RBMS3: variants seen among roughly 807,000 people sequenced by gnomAD.
RBMS3 encodes RNA binding motif single stranded interacting protein 3, also known as RNA-binding motif, single-stranded-interacting protein 3.
RBMS3 carries 27 observed loss-of-function variants against 66.8 expected under a neutral mutation model. The ratio of observed to expected loss-of-function variants is 0.40; its 90% confidence interval spans 0.30 to 0.56. RBMS3 has a LOEUF of 0.56. Ranked by LOEUF, RBMS3 falls within the 20% of genes least tolerant of loss-of-function variation. RBMS3 has a pLI of 0.40. For synonymous variants in RBMS3, 188 were observed against 183.0 expected (o/e 1.03, Z -0.22); for missense variants, 513 against 549.5 (o/e 0.93, Z 0.66).
At chr3:29,798,332 AGGGG>A in intron 6 of RBMS3, among the ~76,000 whole-genome samples, 1 of 62,066 alleles carries the variant, frequency 1.6e-5, no homozygotes, top group Non-Finnish European at 2.9e-5. Flanking sequence ...AAGGGAGGGG[AGGGG>A]AGGGGAGGGG....
At chr3:29,301,766 G>A (rs2033687596) in intron 1 of RBMS3, among the ~76,000 whole-genome samples, 1 of 151,974 alleles carries the variant, frequency 6.6e-6, no homozygotes, top group Non-Finnish European at 1.5e-5. Flanking sequence ...AGAAGCCTCT[G>A]AAAGACTTGT....
chr3:29,570,863 T>C (rs147698294), intron 3 of RBMS3, among the ~76,000 whole-genome samples: 221 of 152,286 alleles, frequency 1.5e-3, no homozygotes, highest in South Asian at 2.9e-3. Flanking sequence ...TTCTGTATCA[T>C]ATGGTAGCTC....
chr3:29,527,403 A>G (rs1381565731), intron 3 of RBMS3, among the ~76,000 whole-genome samples: 1 of 152,162 alleles, frequency 6.6e-6, no homozygotes, highest in African/African-American at 2.4e-5. Flanking sequence ...GATTAAATTA[A>G]GCTTCAGAAT....
intron 4 of RBMS3, among the ~76,000 whole-genome samples, chr3:29,628,638 G>A (rs887701055): frequency 6.6e-6 from 1 of 151,958 alleles, no homozygotes; most frequent in Non-Finnish European, 1.5e-5. Context: ...CATTATTCAT[G>A]TTCATCAGTA....
At chr3:29,612,168 T>C (rs912131884) in intron 4 of RBMS3, among the ~76,000 whole-genome samples, 6 of 152,206 alleles carry the variant, frequency 3.9e-5, no homozygotes, top group African/African-American at 1.4e-4. Context: ...ATTGTTATTA[T>C]GAATAACAAC....
intron 4 of RBMS3, among the ~76,000 whole-genome samples, chr3:29,734,806 T>C (rs917099614): frequency 6.6e-6 from 1 of 152,140 alleles, no homozygotes; most frequent in Non-Finnish European, 1.5e-5. Context: ...TTGAGTGTAA[T>C]GATGAAAAGT....
intron 1 of RBMS3, among the ~76,000 whole-genome samples, chr3:29,430,021 T>C (rs1343768851): frequency 1.3e-5 from 2 of 152,168 alleles, no homozygotes; most frequent in African/African-American, 4.8e-5. Context: ...ACAAAATCGC[T>C]TTTGCTTTTC....
intron 11 of RBMS3, among the ~76,000 whole-genome samples, chr3:29,939,980 T>C (rs964579329): frequency 6.6e-6 from 1 of 151,792 alleles, no homozygotes; most frequent in Non-Finnish European, 1.5e-5. Flanking sequence ...GTGTTTCTGC[T>C]CCCTGTTTCC....
At chr3:29,337,373 T>A (rs562429395) in intron 1 of RBMS3, among the ~76,000 whole-genome samples, 1 of 152,202 alleles carries the variant, frequency 6.6e-6, no homozygotes, top group South Asian at 2.1e-4. Context: ...ATGCAGTGGC[T>A]CAAGCCTATA....
intron 6 of RBMS3, among the ~76,000 whole-genome samples, chr3:29,769,457 G>C (rs1481397587): frequency 6.6e-6 from 1 of 151,856 alleles, no homozygotes; most frequent in Non-Finnish European, 1.5e-5. Flanking sequence ...AAGTGAAAAA[G>C]ATCTTTAGTC....
Position 30,007,981 on chromosome 3 carries a change from C to CTTTA in RBMS3, c.*4123_*4126dup, listed in dbSNP as rs1252108326. 2 of 151,988 alleles carry CTTTA rather than the reference C, an allele frequency of 1.3e-5. No homozygotes were observed. The highest frequency in any genetic ancestry group is 4.8e-5 in the African/African-American group (2 of 41,400). 9.4% of individuals were successfully genotyped at this position (151,988 alleles called of 1,614,324 possible). The stretch of plus-strand genomic sequence containing the variant: ...AAGGCTGTTTAAAGCAGGAATTTCA[C>CTTTA]TTTATTTTACTATGCCTAAAAATAC... On this transcript the variant is annotated 3_prime_UTR_variant, in exon 15 of 15. Transcript: ENST00000383767.
At chr3:29,391,787 T>A (rs548043810) in intron 1 of RBMS3, among the ~76,000 whole-genome samples, 1 of 152,298 alleles carries the variant, frequency 6.6e-6, no homozygotes, top group South Asian at 2.1e-4. Context: ...AGATATTTAG[T>A]TTTACAAAAA....
chr3:29,550,592 G>T (rs1345386241), intron 3 of RBMS3, among the ~76,000 whole-genome samples: 1 of 152,058 alleles, frequency 6.6e-6, no homozygotes, highest in Non-Finnish European at 1.5e-5. Context: ...TTATAATACA[G>T]TGTAATATAT....
chr3:29,450,215 A>G (rs759348560), intron 2 of RBMS3, among the ~76,000 whole-genome samples: 7 of 152,158 alleles, frequency 4.6e-5, no homozygotes, highest in Non-Finnish European at 1.0e-4. Context: ...AAAGACATCC[A>G]TTGGGTCAGG....
At chr3:29,998,496 C>A (rs538551824) in intron 14 of RBMS3, among the ~76,000 whole-genome samples, 1 of 152,244 alleles carries the variant, frequency 6.6e-6, no homozygotes, top group East Asian at 1.9e-4. Context: ...GGAGGCATCA[C>A]GCTACCTGAC....
At chr3:29,474,728 G>A (rs968217967) in intron 2 of RBMS3, among the ~76,000 whole-genome samples, 39 of 152,174 alleles carry the variant, frequency 2.6e-4, no homozygotes, top group Non-Finnish European at 4.3e-4. Flanking sequence ...TTTTAATTCA[G>A]CTAAAAGAAA....
intron 3 of RBMS3, among the ~76,000 whole-genome samples, chr3:29,564,893 A>AAG: frequency 6.6e-6 from 1 of 152,292 alleles, no homozygotes; most frequent in Non-Finnish European, 1.5e-5. Context: ...AGAAAAAAAA[A>AAG]AGAATATCTT....
chr3:29,721,461 A>G lies in RBMS3; in HGVS notation c.400-18259A>G, dbSNP rs76238169. On this transcript the variant is annotated intron_variant, in intron 4 of 14. Transcript: ENST00000383767. ...GGCATGACAGATTCTTTCACAGGTA[A>G]TTCTTTGAGTAGGAGACATTCCTGT... Among the ~76,000 whole-genome samples, 44 of 152,238 alleles carry G rather than the reference A, an allele frequency of 2.9e-4. 2 individuals are homozygous for G. In the East Asian group the frequency reaches 8.5e-3, roughly 29 times the overall value.
At chr3:29,664,719 T>C (rs80156003) in intron 4 of RBMS3, among the ~76,000 whole-genome samples, 8,964 of 151,722 alleles carry the variant, frequency 0.059, 363 homozygotes, top group Admixed American at 0.1. Context: ...GAGCAATAGG[T>C]ATTAAAGAAA....
Sources: gnomAD v4.1 joint callset for allele counts (sites outside exome capture counted in the v4.1 genomes callset) on GRCh38, gnomAD v4.1.1 for gene constraint, MANE v1.5 for transcripts, NCBI Gene and HGNC (gene_info 2026-07-23, HGNC 2026-07-21) for gene names.